Variants in RIPOR3 observed in about 807,000 individuals in gnomAD.
RIPOR3 encodes RIPOR family member 3.
In RIPOR3, 95 loss-of-function variants were observed where a neutral mutation model predicts 114.3. That is an observed-to-expected ratio of 0.83 (90% CI 0.70 to 0.99). RIPOR3 has a LOEUF of 0.99. Ranked by LOEUF, RIPOR3 falls within the 50% of genes least tolerant of loss-of-function variation. The probability of loss-of-function intolerance (pLI) is 0.00; values close to 1 mark genes in which losing one functional copy is unlikely to be tolerated. For missense variants in RIPOR3, 1,252 were observed against 1,266.9 expected, an observed-to-expected ratio of 0.99 and a Z score of 0.18; for synonymous variants, 575 against 543.8, an observed-to-expected ratio of 1.06 and a Z score of -0.80.
chr20:50,605,519 A>G (rs1007868233), intron 11 of RIPOR3, among the ~76,000 whole-genome samples: 2 of 152,182 alleles, frequency 1.3e-5, no homozygotes, highest in African/African-American at 4.8e-5. Context: ...CTGTAATCCC[A>G]ACACTTCGGG....
At chr20:50,617,775 C>G (rs939238645) in intron 3 of RIPOR3, among the ~76,000 whole-genome samples, 2 of 151,670 alleles carry the variant, frequency 1.3e-5, no homozygotes, top group Admixed American at 6.6e-5. Flanking sequence ...GCAGGCATGC[C>G]CCACCACGCC....
chr20:50,667,746 C>T (rs2086305748), intron 1 of RIPOR3, among the ~76,000 whole-genome samples: 1 of 152,172 alleles, frequency 6.6e-6, no homozygotes, highest in Non-Finnish European at 1.5e-5. Flanking sequence ...AAATTGTTTT[C>T]TTCTCCCCTT....
At chr20:50,632,555 C>A (rs2084853389) in intron 1 of RIPOR3, among the ~76,000 whole-genome samples, 1 of 152,190 alleles carries the variant, frequency 6.6e-6, no homozygotes, top group African/African-American at 2.4e-5. Flanking sequence ...GTGTGGCAAG[C>A]CTGGTGCCCC....
At chr20:50,641,967 GCC>G (rs757730773) in intron 1 of RIPOR3, among the ~76,000 whole-genome samples, 6 of 152,226 alleles carry the variant, frequency 3.9e-5, no homozygotes, top group Non-Finnish European at 7.4e-5. Flanking sequence ...CCCCTGCAGA[GCC>G]CTTGGATGTG....
intron 2 of RIPOR3, among the ~76,000 whole-genome samples, chr20:50,628,705 C>T (rs2426175): frequency 0.12 from 18,785 of 152,162 alleles, 3,922 homozygotes; most frequent in African/African-American, 0.43. Context: ...CCCAGGACAG[C>T]AGGGCCTGGG....
At chr20:50,588,763 A>AG (rs2083006896) in intron 20 of RIPOR3, among the ~76,000 whole-genome samples, 2 of 151,230 alleles carry the variant, frequency 1.3e-5, no homozygotes, top group African/African-American at 4.8e-5. Flanking sequence ...AAAAAAAAAA[A>AG]AAAAAGAAAA....
chr20:50,631,268 A>T (rs544306710), intron 1 of RIPOR3, among the ~76,000 whole-genome samples: 1 of 152,276 alleles, frequency 6.6e-6, no homozygotes, highest in Non-Finnish European at 1.5e-5. Flanking sequence ...CAAGGGCTCC[A>T]GCCCAGCAGG....
intron 1 of RIPOR3, among the ~76,000 whole-genome samples, chr20:50,641,303 C>A (rs2085185953): frequency 6.6e-6 from 1 of 152,284 alleles, no homozygotes; most frequent in East Asian, 1.9e-4. Flanking sequence ...CAGCCTTGAC[C>A]TCCTGGGTTC....
At position 50,587,875 on chromosome 20, in the gene RIPOR3, G is replaced by C. The variant is rs370425552; in HGVS notation, c.2679C>G (p.Asp893Glu). The change falls in exon 21 of 22, where the codon GAC becomes GAG. Residue 893 changes from aspartate (D) to glutamate (E), a missense_variant. Physicochemically the swap from Asp to Glu is conservative, Grantham distance 45. Coordinates refer to ENST00000327979, the MANE Select transcript of RIPOR3 (RefSeq NM_001290268.2). ...CAGACTGGCACAGGCTGGCAGTCTG[G>C]TCGATGCTTTCAATGCCCTGTTCGA... ...LKHLKGIESIDQTASLCQSDL... is the reference protein window; with the variant it reads ...LKHLKGIESIEQTASLCQSDL... 1.9e-6 allele frequency: 3 copies of C among 1,614,050 alleles called. No homozygotes were observed. The highest frequency in any genetic ancestry group is 1.3e-5 in the African/African-American group (1 of 74,956).
At chr20:50,624,716 C>T (rs2084553759) in intron 2 of RIPOR3, among the ~76,000 whole-genome samples, 1 of 152,244 alleles carries the variant, frequency 6.6e-6, no homozygotes. Flanking sequence ...TAAACAGCCC[C>T]TGGCATGCCA....
At chr20:50,610,216 C>T (rs2123073115) in intron 6 of RIPOR3, among the ~76,000 whole-genome samples, 1 of 150,914 alleles carries the variant, frequency 6.6e-6, no homozygotes, top group East Asian at 2.0e-4. Flanking sequence ...CCAACCCTGT[C>T]TCACCTGCCT....
At chr20:50,634,038 G>A (rs1487234508) in intron 1 of RIPOR3, among the ~76,000 whole-genome samples, 1 of 144,112 alleles carries the variant, frequency 6.9e-6, no homozygotes, top group Non-Finnish European at 1.5e-5. Context: ...CTGGCGTGCA[G>A]TGACACGATC....
chr20:50,662,832 C>T (rs760022896), intron 1 of RIPOR3, among the ~76,000 whole-genome samples: 3 of 152,174 alleles, frequency 2.0e-5, no homozygotes, highest in Non-Finnish European at 4.4e-5. Flanking sequence ...CAGTGGCTCA[C>T]GCCTGTAATC....
chr20:50,682,776 G>A (rs1350305864), intron 1 of RIPOR3, among the ~76,000 whole-genome samples: 1 of 149,436 alleles, frequency 6.7e-6, no homozygotes, highest in Non-Finnish European at 1.5e-5. Context: ...CGCCCAGGCT[G>A]GAGTGCAGTG....
intron 1 of RIPOR3, among the ~76,000 whole-genome samples, chr20:50,680,134 C>T (rs1488788079): frequency 2.0e-5 from 3 of 152,190 alleles, no homozygotes; most frequent in South Asian, 4.1e-4. Context: ...CCCCACCCTC[C>T]GCTGGCCTTG....
At chr20:50,682,507 T>G (rs2086890534) in intron 1 of RIPOR3, among the ~76,000 whole-genome samples, 1 of 149,890 alleles carries the variant, frequency 6.7e-6, no homozygotes, top group African/African-American at 2.4e-5. Flanking sequence ...CCAGGGAGGC[T>G]GAGGTGGGAG....
chr20:50,608,660 C>T lies in RIPOR3; in HGVS notation c.763G>A (p.Glu255Lys). The change falls in exon 10 of 22, where the codon GAG becomes AAG. Residue 255 changes from glutamate (E) to lysine (K), a missense_variant. Physicochemically the swap from Glu to Lys is moderately conservative, Grantham distance 56. Coordinates refer to ENST00000327979, the MANE Select transcript of RIPOR3 (RefSeq NM_001290268.2). ...AGCGTGGGGATGAAGGCCTTCTCCT[C>T]TTCGTCCCAGGTCTGGCTGTCATCT... ...ESDDSQTWDE[E>K]EKAFIPTLHE... is the part of the protein sequence containing the mutation. 6.2e-7 allele frequency: 1 copy of T among 1,614,090 alleles called. No homozygotes were observed. The highest frequency in any genetic ancestry group is 2.2e-5 in the East Asian group (1 of 44,886).
In RIPOR3 at chr20:50,602,086, G is replaced by A. The variant is rs577488890; in HGVS notation, c.1645C>T (p.Arg549Trp). 52 of 1,571,402 alleles carry A rather than the reference G, an allele frequency of 3.3e-5. 1 individual carries two copies. In the African/African-American group the frequency reaches 4.1e-4, roughly 12 times the overall value. The change falls in exon 13 of 22, where the codon CGG (arginine) becomes TGG (tryptophan). Residue 549 changes from arginine (R) to tryptophan (W), a missense_variant. Coordinates refer to ENST00000327979, the MANE Select transcript of RIPOR3 (RefSeq NM_001290268.2). The surrounding 1 kb of genome is among the most constrained non-coding windows in gnomAD (Gnocchi z 4.3). ...GGTGGCCATACCTTCAGCCGGTCCC[G>A]GAAGCCGAGGACCTGGTACTCCAGC... ...RELEYQVLGF[R>W]DRLKPCRARQ...
Position 50,594,693 on chromosome 20 carries a change from G to C in RIPOR3, c.2072C>G (p.Thr691Arg). Residue 691 changes from threonine (T) to arginine (R), a missense_variant, in exon 17 of 22, where the codon ACG (threonine) becomes AGG (arginine). By Grantham distance (71) the Thr-to-Arg change is moderately conservative (BLOSUM62 -1). Coordinates refer to ENST00000327979, the MANE Select transcript of RIPOR3 (RefSeq NM_001290268.2). ...TCTCCACAGCTTCAGGCACCCCTTC[G>C]TCCGCGAGGCCTGTGGGATGACTGA... ...IEEIIPQASR[T>R]KGCLKLWRGC... 1 of 1,612,098 alleles carries C rather than the reference G, an allele frequency of 6.2e-7. No individual in the cohort carries two copies. Among genetic ancestry groups the C allele is most frequent in the Non-Finnish European group, 8.5e-7 (1 of 1,178,634 alleles).
Sources: gnomAD v4.1 joint callset for allele counts (sites outside exome capture counted in the v4.1 genomes callset) on GRCh38, gnomAD v4.1.1 for gene constraint, Gnocchi (gnomAD v3.1) non-coding constraint, MANE v1.5 for transcripts, NCBI Gene and HGNC (gene_info 2026-07-23, HGNC 2026-07-21) for gene names.